KLF12: variants seen among roughly 807,000 people sequenced by gnomAD.
KLF12 encodes the protein Krueppel-like factor 12.
KLF12 carries 9 observed loss-of-function variants against 37.8 expected under a neutral mutation model. That is an observed-to-expected ratio of 0.24 (90% CI 0.14 to 0.42). The LOEUF (loss-of-function observed/expected upper bound fraction) is 0.42, where lower values mean the gene tolerates loss of function less well. Ranked by LOEUF, KLF12 falls within the 10% of genes least tolerant of loss-of-function variation. KLF12 has a pLI of 1.00. For synonymous variants in KLF12, 208 were observed against 202.1 expected (o/e 1.03, Z -0.25); for missense variants, 411 against 516.0 (o/e 0.80, Z 1.97).
chr13:74,160,001 CAAAAAA>C, the KLF12 span, among the ~76,000 whole-genome samples: 16 of 95,748 alleles, frequency 1.7e-4, no homozygotes, highest in African/African-American at 5.2e-4. Flanking sequence ...GACCTTGTCT[CAAAAAA>C]AAAAAAAAAA....
intron 3 of KLF12, among the ~76,000 whole-genome samples, chr13:73,900,188 C>T (rs1298795312): frequency 6.6e-6 from 1 of 152,088 alleles, no homozygotes; most frequent in African/African-American, 2.4e-5. Flanking sequence ...GACTGGAGAT[C>T]CGGTCGTCAT....
upstream of KLF12, among the ~76,000 whole-genome samples, chr13:74,134,442 C>T (rs1353904314): frequency 9.9e-5 from 15 of 152,100 alleles, no homozygotes; most frequent in East Asian, 2.5e-3. Context: ...AACCCCTCCC[C>T]GCTCGCAGAG....
the KLF12 span, among the ~76,000 whole-genome samples, chr13:74,158,780 T>C: frequency 0.034 from 5,156 of 152,234 alleles, 119 homozygotes; most frequent in Middle Eastern, 0.1. Flanking sequence ...GGGGTAAACT[T>C]TCAGGTCAGA....
At chr13:73,841,758 A>G (rs1000243367) in intron 4 of KLF12, among the ~76,000 whole-genome samples, 3 of 152,194 alleles carry the variant, frequency 2.0e-5, no homozygotes, top group African/African-American at 7.2e-5. Flanking sequence ...ACGTAATAAC[A>G]AAACTCTCCT....
intron 1 of KLF12, among the ~76,000 whole-genome samples, chr13:74,025,397 T>G (rs556048641): frequency 1.3e-5 from 2 of 152,216 alleles, no homozygotes; most frequent in Non-Finnish European, 1.5e-5. Flanking sequence ...TTCTATTTTC[T>G]AAGGGAAGAA....
chr13:74,241,806 C>T, the KLF12 span, among the ~76,000 whole-genome samples: 2 of 152,202 alleles, frequency 1.3e-5, no homozygotes, highest in South Asian at 2.1e-4. Context: ...CTTCGGCTCG[C>T]GCACGGTGCA....
chr13:73,942,704 T>C (rs1797694650), intron 3 of KLF12, among the ~76,000 whole-genome samples: 1 of 152,240 alleles, frequency 6.6e-6, no homozygotes, highest in African/African-American at 2.4e-5. Flanking sequence ...GAATCTGTTA[T>C]GAATTGGTCA....
chr13:74,257,161 G>T, the KLF12 span: 2 of 152,304 alleles, frequency 1.3e-5, no homozygotes, highest in Non-Finnish European at 1.5e-5. Context: ...TTAGAGATTG[G>T]CTGTTCCTGG....
At chr13:73,974,571 T>C (rs1397791924) in intron 2 of KLF12, among the ~76,000 whole-genome samples, 2 of 152,140 alleles carry the variant, frequency 1.3e-5, no homozygotes, top group Non-Finnish European at 2.9e-5. Context: ...ATAAACTCTT[T>C]AATAATAAAA....
At chr13:74,011,728 C>T (rs1892556390) in intron 1 of KLF12, among the ~76,000 whole-genome samples, 2 of 152,154 alleles carry the variant, frequency 1.3e-5, no homozygotes, top group South Asian at 4.1e-4. Flanking sequence ...GGAGGATACA[C>T]ATAGGTTATA....
chr13:74,243,396 A>G, the KLF12 span, among the ~76,000 whole-genome samples: 5 of 152,140 alleles, frequency 3.3e-5, no homozygotes. Flanking sequence ...GCTATTGTGA[A>G]TAGTGCTACA....
chr13:74,081,966 T>C (rs1352508344), intron 1 of KLF12, among the ~76,000 whole-genome samples: 1 of 152,034 alleles, frequency 6.6e-6, no homozygotes. Context: ...AACCAAAGAA[T>C]TGTTACCTAA....
chr13:73,883,398 C>A (rs567355112), intron 3 of KLF12, among the ~76,000 whole-genome samples: 84 of 152,112 alleles, frequency 5.5e-4, no homozygotes, highest in Non-Finnish European at 2.2e-4. Flanking sequence ...AAACTGGTAA[C>A]CTGCCTTACA....
chr13:74,173,232 C>G, the KLF12 span, among the ~76,000 whole-genome samples: 1 of 152,204 alleles, frequency 6.6e-6, no homozygotes, highest in Admixed American at 6.5e-5. Flanking sequence ...GCAAGGACTT[C>G]CTACCATGCC....
chr13:73,771,016 C>T (rs1285527275), intron 5 of KLF12, among the ~76,000 whole-genome samples: 1 of 151,932 alleles, frequency 6.6e-6, no homozygotes, highest in South Asian at 2.1e-4. Flanking sequence ...TAATCCTGGC[C>T]CTATCTCCCA....
chr13:73,936,226 T>A (rs1219089184), intron 3 of KLF12, among the ~76,000 whole-genome samples: 1 of 152,214 alleles, frequency 6.6e-6, no homozygotes, highest in Admixed American at 6.5e-5. Context: ...GTGTATTCTT[T>A]GGAGTGCATT....
the KLF12 span, among the ~76,000 whole-genome samples, chr13:74,188,444 G>T: frequency 1.3e-5 from 2 of 151,986 alleles, no homozygotes; most frequent in Non-Finnish European, 2.9e-5. Context: ...AAAGTTCAAC[G>T]GTTCTAAGTC....
chr13:73,741,910 C>T (rs909396234), intron 6 of KLF12, among the ~76,000 whole-genome samples: 6 of 152,154 alleles, frequency 3.9e-5, no homozygotes, highest in African/African-American at 1.4e-4. Flanking sequence ...GGGATGCAGT[C>T]ATGAGTAAGG....
intron 6 of KLF12, among the ~76,000 whole-genome samples, chr13:73,729,479 C>A (rs1263133452): frequency 6.6e-6 from 1 of 152,162 alleles, no homozygotes; most frequent in Non-Finnish European, 1.5e-5. Context: ...CTGTTACTGG[C>A]AATCTTACAG....
Sources: allele counts gnomAD v4.1 joint callset (sites outside exome capture counted in the v4.1 genomes callset), GRCh38; gene constraint gnomAD v4.1.1; transcripts MANE v1.5; gene names NCBI Gene and HGNC (gene_info 2026-07-23, HGNC 2026-07-21).